The following SMAD6 variants were observed in gnomAD, a reference collection of about 807,000 sequenced individuals.
The protein encoded by SMAD6 is SMAD family member 6.
SMAD6 carries 103 observed loss-of-function variants against 39.4 expected under a neutral mutation model. The observed-to-expected ratio is 2.62, with a 90% CI of 2.23 to 3.08. The LOEUF (loss-of-function observed/expected upper bound fraction) is 3.08, where lower values mean the gene tolerates loss of function less well. SMAD6 is among the 30% of genes most tolerant of loss of function. SMAD6 has a pLI of 0.00. For missense variants in SMAD6, 1,104 were observed against 742.9 expected, an observed-to-expected ratio of 1.49 and a Z score of -5.65; for synonymous variants, 445 against 353.3, an observed-to-expected ratio of 1.26 and a Z score of -2.91.
rs777092566 is a variant in SMAD6 at position 66,781,238 on chromosome 15, C to T, written c.1194C>T (p.Asp398=). ...GCATCCTGCTCAGCAAGGAGCCCGA[C>T]GGCGTGTGGGCCTACAACCGCGGCG... The part of the protein sequence containing the change: ...GFGILLSKEP[D]GVWAYNRGEH... The change falls in exon 4 of 4, where the codon GAC becomes GAT. Residue 398 remains aspartate (D), a synonymous_variant. Transcript: ENST00000288840. The T allele has an allele frequency of 3.1e-6, 5 of 1,608,560 alleles. No homozygotes were observed. In the African/African-American group the frequency reaches 4.0e-5, roughly 13 times the overall value.
In SMAD6 at chr15:66,703,438, C is replaced by A; in HGVS notation, c.180C>A (p.Val60=). ...GCGGAGGCTGCGGCCGCTCCGAAGT[C>A]CGCCCGGTAGCCCCGCGGCGGCCCC... ...REGGGCGRSE[V]RPVAPRRPRD... Residue 60 remains valine (V), a synonymous_variant, in exon 1 of 4, where the codon GTC becomes GTA. Transcript: ENST00000288840. 7.8e-7 allele frequency: 1 copy of A among 1,285,834 alleles called. No homozygotes were observed. The highest frequency in any genetic ancestry group is 9.9e-7 in the Non-Finnish European group (1 of 1,013,352). The allele number at this position is 1,285,834 out of a possible 1,614,324, so 79.7% of individuals were successfully genotyped here. A position where few individuals can be genotyped will look rare whatever the true frequency, so the allele number is the denominator to read the frequency against.
At chr15:66,738,974 G>A (rs1047196832) in intron 3 of SMAD6, among the ~76,000 whole-genome samples, 13 of 151,108 alleles carry the variant, frequency 8.6e-5, no homozygotes, top group South Asian at 2.1e-4. Flanking sequence ...GGTGTGGATC[G>A]TGCTGTCCTG....
intron 3 of SMAD6, among the ~76,000 whole-genome samples, chr15:66,728,319 T>A (rs1057423790): frequency 7.2e-5 from 11 of 152,244 alleles, no homozygotes; most frequent in African/African-American, 2.7e-4. Flanking sequence ...TTGAACCCGA[T>A]GCACACAGAG....
intron 3 of SMAD6, among the ~76,000 whole-genome samples, chr15:66,731,750 A>C (rs1047452269): frequency 6.6e-6 from 1 of 152,168 alleles, no homozygotes; most frequent in Non-Finnish European, 1.5e-5. Context: ...TAGGAGTAGG[A>C]TTGCTGGGTA....
chr15:66,712,726 G>T (rs576065746), intron 2 of SMAD6, among the ~76,000 whole-genome samples: 61 of 151,776 alleles, frequency 4.0e-4, no homozygotes, highest in African/African-American at 1.0e-3. Flanking sequence ...AGAGGTTGTG[G>T]TTGGGAACGA....
In SMAD6 at chr15:66,702,293, G is replaced by T. The variant is rs1312657782; in HGVS notation, c.-966G>T. On this transcript the variant is annotated 5_prime_UTR_variant, in exon 1 of 4. Transcript: ENST00000288840. ...GCTCCTCCGGGGGCCCTCAGTGTGC[G>T]TTTGAGGAGAACAAAAAAGAGAGAG... is the stretch of plus-strand genomic sequence containing the variant. The T allele has an allele frequency of 2.0e-5, 3 of 152,292 alleles. No homozygotes were observed. Among genetic ancestry groups the T allele is most frequent in the Non-Finnish European group, 2.9e-5 (2 of 68,098 alleles). 9.4% of individuals were successfully genotyped at this position (152,292 alleles called of 1,614,324 possible).
At chr15:66,716,244 C>A (rs1893326650) in intron 2 of SMAD6, among the ~76,000 whole-genome samples, 177 bp from the exon 3 acceptor site, 1 of 152,104 alleles carries the variant, frequency 6.6e-6, no homozygotes, top group African/African-American at 2.4e-5. Context: ...CTGGTCTGGT[C>A]TGGGGTGATC....
At chr15:66,735,165 A>T in intron 3 of SMAD6, among the ~76,000 whole-genome samples, 1 of 152,222 alleles carries the variant, frequency 6.6e-6, no homozygotes, top group East Asian at 1.9e-4. Flanking sequence ...CACACAAAAG[A>T]GGTGGGACCT....
Position 66,781,072 on chromosome 15 carries a change from T to G in SMAD6, c.1028T>G (p.Val343Gly). ...GCGTACTGGGAGCACCGGACGCGCG[T>G]GGGCCGCCTCTATGCGGTGTACGAC... is the stretch of plus-strand genomic sequence containing the variant. The part of the protein sequence containing the change: ...SVAYWEHRTR[V>G]GRLYAVYDQA... Residue 343 changes from valine to glycine, a missense_variant, in exon 4 of 4, where the codon GTG (valine) becomes GGG (glycine). By Grantham distance (109) the Val-to-Gly change is moderately radical (BLOSUM62 -3). Coordinates refer to ENST00000288840, the MANE Select transcript of SMAD6 (RefSeq NM_005585.5). 1 of 1,605,650 alleles carries G rather than the reference T, an allele frequency of 6.2e-7. No individual in the cohort carries two copies. Among genetic ancestry groups the G allele is most frequent in the Non-Finnish European group, 8.5e-7 (1 of 1,178,944 alleles).
In SMAD6 at chr15:66,716,466, A is replaced by G. The variant is rs1327474199; in HGVS notation, c.920A>G (p.Asn307Ser). Residue 307 changes from asparagine to serine, a missense_variant, in exon 3 of 4, where the codon AAC becomes AGC. Asn to Ser is a conservative substitution (Grantham distance 46). Coordinates refer to ENST00000288840, the MANE Select transcript of SMAD6 (RefSeq NM_005585.5). ...TCTTACACTGAAACGGAGGCTACCA[A>G]CTCCCTCATCACTGCTCCGGGTGAA... The part of the protein sequence containing the change: ...TLSYTETEAT[N>S]SLITAPGEFS... The G allele has an allele frequency of 1.9e-6, 3 of 1,613,512 alleles. No homozygotes were observed. Among genetic ancestry groups the G allele is most frequent in the South Asian group, 1.1e-5 (1 of 91,048 alleles).
Position 66,716,515 on chromosome 15 carries a change from G to A in SMAD6, c.952+17G>A. 1 of 1,578,438 alleles carries A rather than the reference G, an allele frequency of 6.3e-7. No individual in the cohort carries two copies. Among genetic ancestry groups the A allele is most frequent in the Non-Finnish European group, 8.7e-7 (1 of 1,147,680 alleles). ...AATTCTCAGGTCAGCATTTTTTCTT[G>A]TGCATTGCTGTTGTGTTGAAATTTA... On this transcript the variant is annotated intron_variant, in intron 3 of 3. Transcript: ENST00000288840.
intron 3 of SMAD6, among the ~76,000 whole-genome samples, chr15:66,771,577 C>G (rs1307112161): frequency 6.6e-6 from 1 of 152,158 alleles, no homozygotes; most frequent in African/African-American, 2.4e-5. Flanking sequence ...TCCTAAACCC[C>G]TCCTGCGACT....
chr15:66,703,414 C>T lies in SMAD6; in HGVS notation c.156C>T (p.Gly52=). The change falls in exon 1 of 4, where the codon GGC becomes GGT. Residue 52 remains glycine, a synonymous_variant. Coordinates refer to ENST00000288840, the MANE Select transcript of SMAD6 (RefSeq NM_005585.5). Reference sequence around the variant, plus strand: ...AGCCGGCCCCGCGGGCAAGAGAGGGCGGAGGCTGCGGCCGCTCCGAAGTCC... The same window carrying T: ...AGCCGGCCCCGCGGGCAAGAGAGGGTGGAGGCTGCGGCCGCTCCGAAGTCC... The part of the protein sequence containing the change: ...RAEPAPRARE[G]GGCGRSEVRP... 1 of 1,343,608 alleles carries T rather than the reference C, an allele frequency of 7.4e-7. No individual in the cohort carries two copies. The highest frequency in any genetic ancestry group is 9.6e-7 in the Non-Finnish European group (1 of 1,046,130). The allele number at this position is 1,343,608 out of a possible 1,614,324, so 83.2% of individuals were successfully genotyped here.
At chr15:66,775,281 ATGCACCTTGT>A (rs552780536) in intron 3 of SMAD6, among the ~76,000 whole-genome samples, 62 of 152,118 alleles carry the variant, frequency 4.1e-4, no homozygotes, top group East Asian at 1.9e-4. Context: ...CTTCAGATTC[ATGCACCTTGT>A]TGCAGGTTTC....
intron 3 of SMAD6, among the ~76,000 whole-genome samples, chr15:66,768,807 T>C (rs1484439376): frequency 6.6e-6 from 1 of 152,202 alleles, no homozygotes; most frequent in Non-Finnish European, 1.5e-5. Context: ...GCCTTTGAGT[T>C]TTCATATTCA....
intron 3 of SMAD6, among the ~76,000 whole-genome samples, chr15:66,721,345 G>A (rs1893428517): frequency 1.3e-5 from 2 of 152,148 alleles, no homozygotes; most frequent in African/African-American, 2.4e-5. Flanking sequence ...GTGTGTGTGT[G>A]TGGTGTCATT....
At chr15:66,710,804 A>G (rs1353742211) in intron 1 of SMAD6, among the ~76,000 whole-genome samples, 2 of 152,248 alleles carry the variant, frequency 1.3e-5, no homozygotes, top group African/African-American at 2.4e-5. Flanking sequence ...AAAGAAAAAT[A>G]TCATAGACAA....
At chr15:66,743,606 C>A (rs1175996481) in intron 3 of SMAD6, among the ~76,000 whole-genome samples, 1 of 151,508 alleles carries the variant, frequency 6.6e-6, no homozygotes, top group African/African-American at 2.4e-5. Context: ...GTACGTGATT[C>A]ATGTGGATCA....
chr15:66,761,501 A>G (rs533035511), intron 3 of SMAD6, among the ~76,000 whole-genome samples: 22 of 152,168 alleles, frequency 1.4e-4, no homozygotes, highest in Non-Finnish European at 2.8e-4. Context: ...TCTCCCTTCT[A>G]CCCACAAGAA....
Sources: allele counts gnomAD v4.1 joint callset (sites outside exome capture counted in the v4.1 genomes callset), GRCh38; gene constraint gnomAD v4.1.1; transcripts MANE v1.5; gene names NCBI Gene and HGNC (gene_info 2026-07-23, HGNC 2026-07-21).